Variants in BCAS1 observed in about 807,000 individuals in gnomAD.
The protein encoded by BCAS1 is breast carcinoma-amplified sequence 1.
A neutral mutation model predicts 65.4 loss-of-function variants in BCAS1; 46 were observed. The ratio of observed to expected loss-of-function variants is 0.70; its 90% confidence interval spans 0.55 to 0.90. BCAS1 has a LOEUF of 0.90. Among genes scored for constraint, BCAS1 ranks in the 40% least tolerant of loss-of-function variants. BCAS1 has a pLI of 0.00. For synonymous variants in BCAS1, 298 were observed against 293.5 expected (o/e 1.02, Z -0.16); for missense variants, 793 against 771.2 (o/e 1.03, Z -0.33).
chr20:54,054,138 A>G (rs1414553044), intron 3 of BCAS1, among the ~76,000 whole-genome samples: 1 of 152,226 alleles, frequency 6.6e-6, no homozygotes, highest in Non-Finnish European at 1.5e-5. Context: ...TCATGAGAAC[A>G]GCATGGGAAA....
chr20:54,031,156 T>C (rs1555875733), intron 3 of BCAS1, among the ~76,000 whole-genome samples: 1 of 151,546 alleles, frequency 6.6e-6, no homozygotes. Flanking sequence ...AAGGAGCTAG[T>C]GGTAAGTAAG....
chr20:53,977,866 G>A (rs1361348500), intron 8 of BCAS1, among the ~76,000 whole-genome samples: 1 of 152,046 alleles, frequency 6.6e-6, no homozygotes, highest in Non-Finnish European at 1.5e-5. Flanking sequence ...TTCATACCAT[G>A]TTCTAATTCT....
chr20:54,028,219 C>T (rs1023267663), intron 4 of BCAS1, 173 bp downstream of exon 4: 36 of 672,522 alleles, frequency 5.4e-5, no homozygotes, highest in Non-Finnish European at 7.3e-5. Context: ...GAAGTTTCTA[C>T]CCAGAGAAAC....
chr20:54,064,559 A>C (rs1274560266), intron 1 of BCAS1, among the ~76,000 whole-genome samples: 1 of 152,160 alleles, frequency 6.6e-6, no homozygotes, highest in African/African-American at 2.4e-5. Context: ...CGGGCAGGGC[A>C]GGCTTTCCAG....
chr20:54,049,697 C>T (rs1285357132), intron 3 of BCAS1, among the ~76,000 whole-genome samples: 1 of 152,230 alleles, frequency 6.6e-6, no homozygotes, highest in East Asian at 1.9e-4. Context: ...TGAGCCACTG[C>T]ACCCATCCCA....
intron 4 of BCAS1, among the ~76,000 whole-genome samples, chr20:54,021,973 G>A (rs1201634616): frequency 1.3e-5 from 2 of 152,166 alleles, no homozygotes; most frequent in Non-Finnish European, 1.5e-5. Flanking sequence ...GTGAACACAG[G>A]CCATTGGAAA....
intron 3 of BCAS1, among the ~76,000 whole-genome samples, chr20:54,039,058 A>G (rs1416378306): frequency 6.6e-6 from 1 of 151,510 alleles, no homozygotes. Flanking sequence ...TCAAAACTTT[A>G]TGAAGACCTC....
At position 54,028,678 on chromosome 20, in the gene BCAS1, G is replaced by C. The variant is rs755981737; in HGVS notation, c.437C>G (p.Pro146Arg). ...TGGGGTTTTATCTGTGTCCTGCCCCGGTCCAGCTGCCACCGGAAGTGTCCA... is the reference window on the plus strand; with the variant it reads ...TGGGGTTTTATCTGTGTCCTGCCCCCGTCCAGCTGCCACCGGAAGTGTCCA... ...ESWTLPVAAG[P>R]GQDTDKTPGH... The change falls in exon 4 of 13, where the codon CCG (proline) becomes CGG (arginine). Residue 146 changes from proline to arginine, a missense_variant. Pro to Arg is a moderately radical substitution (Grantham distance 103). Coordinates refer to ENST00000688948, the MANE Select transcript of BCAS1 (RefSeq NM_001366298.2). The C allele has an allele frequency of 1.2e-6, 2 of 1,614,124 alleles. No individual in the cohort carries two copies. The highest frequency in any genetic ancestry group is 2.2e-5 in the East Asian group (1 of 44,884).
At chr20:53,950,835 A>C (rs2089497155) in intron 12 of BCAS1, among the ~76,000 whole-genome samples, 1 of 151,532 alleles carries the variant, frequency 6.6e-6, no homozygotes, top group African/African-American at 2.4e-5. Flanking sequence ...AACCCTAGTC[A>C]TGCAACTAGT....
intron 6 of BCAS1, 145 bp downstream of exon 6, chr20:53,994,867 G>C: frequency 1.9e-6 from 1 of 540,338 alleles, no homozygotes; most frequent in Non-Finnish European, 3.1e-6. Flanking sequence ...CTATTAAATT[G>C]CTAATTATAT....
At chr20:53,994,971 C>A (rs368686287) in intron 6 of BCAS1, 41 bp downstream of exon 6, 1 of 1,580,836 alleles carries the variant, frequency 6.3e-7, no homozygotes, top group Non-Finnish European at 8.7e-7. Context: ...CAATTCTATG[C>A]GCAAACCCAA....
intron 4 of BCAS1, among the ~76,000 whole-genome samples, chr20:54,004,131 G>A (rs1214467084): frequency 6.6e-6 from 1 of 152,192 alleles, no homozygotes; most frequent in African/African-American, 2.4e-5. Context: ...AGGAGGTGGG[G>A]CCTTGGGGAG....
intron 1 of BCAS1, among the ~76,000 whole-genome samples, chr20:54,064,261 T>A (rs1048481851): frequency 6.6e-6 from 1 of 152,206 alleles, no homozygotes; most frequent in African/African-American, 2.4e-5. Flanking sequence ...TCTAGGTGAT[T>A]TCCATGGCTG....
intron 4 of BCAS1, among the ~76,000 whole-genome samples, chr20:54,016,990 T>A (rs999032743): frequency 6.6e-6 from 1 of 152,200 alleles, no homozygotes; most frequent in African/African-American, 2.4e-5. Flanking sequence ...CACACGGGGG[T>A]AGCAGAAGTC....
At chr20:54,007,462 A>G (rs2091224549) in intron 4 of BCAS1, among the ~76,000 whole-genome samples, 1 of 152,212 alleles carries the variant, frequency 6.6e-6, no homozygotes, top group Non-Finnish European at 1.5e-5. Context: ...TGGAGCAGAC[A>G]CAGTTCAAAA....
At chr20:53,971,494 G>A (rs1172313943) in intron 9 of BCAS1, among the ~76,000 whole-genome samples, 2 of 152,204 alleles carry the variant, frequency 1.3e-5, no homozygotes, top group Non-Finnish European at 1.5e-5. Flanking sequence ...AAAAGCTGAC[G>A]AATACAGCAT....
At chr20:54,045,248 C>T (rs76411452) in intron 3 of BCAS1, among the ~76,000 whole-genome samples, 1 of 150,714 alleles carries the variant, frequency 6.6e-6, no homozygotes, top group South Asian at 2.1e-4. Flanking sequence ...AAAAAACTTA[C>T]GCCCAGGTAA....
Position 54,058,013 on chromosome 20 carries a change from TC to T in BCAS1, c.142+71del, listed in dbSNP as rs1214400342. 5.6e-5 allele frequency: 61 copies of T among 1,087,602 alleles called. 1 individual carries two copies. The East Asian group carries it at 1.3e-3, about 23-fold the overall frequency. 67.4% of individuals were successfully genotyped at this position (1,087,602 alleles called of 1,614,324 possible). On this transcript the variant is annotated intron_variant, in intron 3 of 12. Coordinates refer to ENST00000688948, the MANE Select transcript of BCAS1 (RefSeq NM_001366298.2). Reference sequence around the variant, plus strand: ...CGACCCTTTCATTTTTTTTTTTTTTTCACCGTAAACAGCATCTGCAGACCCC... The same window carrying T: ...CGACCCTTTCATTTTTTTTTTTTTTTACCGTAAACAGCATCTGCAGACCCC...
intron 3 of BCAS1, among the ~76,000 whole-genome samples, chr20:54,040,872 A>C (rs1357899390): frequency 1.3e-5 from 2 of 151,388 alleles, no homozygotes; most frequent in Non-Finnish European, 3.0e-5. Flanking sequence ...GGCCACACAA[A>C]AACTTGTACA....
Sources: gnomAD v4.1 joint callset for allele counts (sites outside exome capture counted in the v4.1 genomes callset) on GRCh38, gnomAD v4.1.1 for gene constraint, MANE v1.5 for transcripts, NCBI Gene and HGNC (gene_info 2026-07-23, HGNC 2026-07-21) for gene names.